The following ATRX variants were observed in gnomAD, a reference collection of about 807,000 sequenced individuals.
ATRX encodes chromatin remodeler ATRX.
A neutral mutation model predicts 172.6 loss-of-function variants in ATRX; 12 were observed. The ratio of observed to expected loss-of-function variants is 0.07; its 90% CI spans 0.04 to 0.11. The LOEUF (loss-of-function observed/expected upper bound fraction) is 0.11, where lower values mean the gene tolerates loss of function less well. ATRX is among the 10% of genes least tolerant of loss of function. The pLI, the probability that ATRX is intolerant of heterozygous loss-of-function variation, is 1.00. For missense variants in ATRX, 1,368 were observed against 1,767.4 expected (o/e 0.77, Z 4.05); for synonymous variants, 674 against 594.7 (o/e 1.13, Z -1.94).
intron 2 of ATRX, among the ~76,000 whole-genome samples, chrX:77,707,587 A>C (rs782210994): frequency 1.8e-5 from 2 of 111,354 alleles, no homozygotes; most frequent in South Asian, 3.7e-4. Flanking sequence ...TCTATAAAAA[A>C]TAAACAAAAA....
intron 1 of ATRX, among the ~76,000 whole-genome samples, chrX:77,768,987 C>T (rs1163077227): frequency 1.8e-5 from 2 of 111,239 alleles, no homozygotes; most frequent in African/African-American, 6.5e-5. Flanking sequence ...ACCACCATCA[C>T]AAGCCACAAT....
intron 15 of ATRX, among the ~76,000 whole-genome samples, chrX:77,649,800 T>C (rs1273585990): frequency 8.9e-6 from 1 of 112,311 alleles, no homozygotes; most frequent in Non-Finnish European, 1.9e-5. Flanking sequence ...CCAAGCCACA[T>C]GGAACTATAA....
rs1557138839 is a variant in ATRX at position 77,682,462 on chromosome X, T to C, written c.2794A>G (p.Thr932Ala). ...DKLSGKEESFTSLEVRKVAET... is the reference protein window; with the variant it reads ...DKLSGKEESFASLEVRKVAET... ...GCAACTTTTCTAACTTCCAAAGAAGTAAAACTCTCCTCTTTCCCAGAAAGC... is the reference window on the plus strand; with the variant it reads ...GCAACTTTTCTAACTTCCAAAGAAGCAAAACTCTCCTCTTTCCCAGAAAGC... Residue 932 changes from threonine to alanine, a missense_variant, in exon 9 of 35, where the codon ACT becomes GCT. This residue lies in a region of ATRX where 843 missense variants were observed against 643.1 expected (regional missense o/e 1.31). Coordinates refer to ENST00000373344, the MANE Select transcript of ATRX (RefSeq NM_000489.6). 2 of 1,211,450 alleles carry C rather than the reference T, an allele frequency of 1.7e-6. No homozygotes were observed. The highest frequency in any genetic ancestry group is 4.3e-5 in the Admixed American group (2 of 46,006).
chrX:77,513,153 TA>T (rs2147686144), intron 34 of ATRX, among the ~76,000 whole-genome samples: 1 of 106,732 alleles, frequency 9.4e-6, no homozygotes, highest in South Asian at 4.3e-4. Flanking sequence ...CCGTCTCTAC[TA>T]AAAATACAAA....
At chrX:77,782,533 G>A (rs782745584) in intron 1 of ATRX, among the ~76,000 whole-genome samples, 1 of 111,612 alleles carries the variant, frequency 9.0e-6, no homozygotes, top group African/African-American at 3.3e-5. Flanking sequence ...CAGATCACCT[G>A]AGGTCAGGAG....
intron 1 of ATRX, among the ~76,000 whole-genome samples, chrX:77,766,706 G>A (rs1450322510): frequency 2.9e-5 from 3 of 103,511 alleles, no homozygotes; most frequent in African/African-American, 1.1e-4. Context: ...ATGGGATGGC[G>A]GCCGGGCAGA....
intron 1 of ATRX, among the ~76,000 whole-genome samples, chrX:77,731,985 G>A (rs2074315314): frequency 8.9e-6 from 1 of 111,862 alleles, no homozygotes; most frequent in Non-Finnish European, 1.9e-5. Flanking sequence ...CACCAGTGGA[G>A]GGCAGCCACC....
chrX:77,772,806 G>A (rs1557199970), intron 1 of ATRX, among the ~76,000 whole-genome samples: 1 of 109,451 alleles, frequency 9.1e-6, no homozygotes. Flanking sequence ...CTTTTTTAAT[G>A]GTTAAAATGC....
At chrX:77,609,110 A>T (rs1376383424) in intron 22 of ATRX, among the ~76,000 whole-genome samples, 2 of 111,991 alleles carry the variant, frequency 1.8e-5, no homozygotes, top group Non-Finnish European at 3.8e-5. Context: ...GGTGGAGAAA[A>T]GGGAACCCAC....
intron 10 of ATRX, among the ~76,000 whole-genome samples, chrX:77,671,167 AATATAT>A (rs3063061): frequency 1.0e-3 from 16 of 15,726 alleles, no homozygotes; most frequent in African/African-American, 3.0e-3. Flanking sequence ...AAAAAAAAAA[AATATAT>A]ATATATATAT....
intron 28 of ATRX, among the ~76,000 whole-genome samples, chrX:77,564,613 T>C (rs1387941052): frequency 9.0e-6 from 1 of 110,599 alleles, no homozygotes; most frequent in East Asian, 2.9e-4. Flanking sequence ...CTTCAACTCC[T>C]GGGCTCAAGT....
At chrX:77,640,021 C>T (rs2068574750) in intron 15 of ATRX, among the ~76,000 whole-genome samples, 1 of 111,964 alleles carries the variant, frequency 8.9e-6, no homozygotes, top group South Asian at 3.7e-4. Context: ...AAAATCATGT[C>T]CTCTACAGCA....
rs1557137588 is a variant in ATRX, at chrX:77,681,897, T to A, written c.3359A>T (p.Asp1120Val). The A allele has an allele frequency of 5.8e-6, 7 of 1,208,364 alleles. No individual in the cohort carries two copies. The South Asian group carries it at 1.1e-4, about 18-fold the overall frequency. ...SDTEKYSMKE[D>V]GCNSSDKRLK... The stretch of plus-strand genomic sequence containing the variant: ...TCTCTTATCAGAAGAGTTACAACCA[T>A]CTTCTTTCATGGAATATTTCTCAGT... Residue 1120 changes from aspartate to valine, a missense_variant, in exon 9 of 35, where the codon GAT becomes GTT. Physicochemically the swap from Asp to Val is radical, Grantham distance 152. Coordinates refer to ENST00000373344, the MANE Select transcript of ATRX (RefSeq NM_000489.6).
chrX:77,708,110 A>G (rs1434588482), intron 2 of ATRX, among the ~76,000 whole-genome samples: 2 of 112,330 alleles, frequency 1.8e-5, no homozygotes, highest in Non-Finnish European at 3.8e-5. Flanking sequence ...ATATATGGCT[A>G]CACACAAAAA....
In ATRX at chrX:77,523,368, T is replaced by C; in HGVS notation, c.6733A>G (p.Lys2245Glu). 8.3e-7 allele frequency: 1 copy of C among 1,209,432 alleles called. No homozygotes were observed. Residue 2245 changes from lysine to glutamate, a missense_variant, in exon 31 of 35, where the codon AAA (lysine) becomes GAA (glutamate). This residue lies in a region of ATRX where 18 missense variants were observed against 52.4 expected (regional missense o/e 0.34). Coordinates refer to ENST00000373344, the MANE Select transcript of ATRX (RefSeq NM_000489.6). The stretch of plus-strand genomic sequence containing the variant: ...TCATGGTATCCTACAATGTGTTCTT[T>C]ATGTATCTGAAGGAGCTCTGCAAGT... ...TILAELLQIHKEHIVGYHEHD... is the reference protein window; with the variant it reads ...TILAELLQIHEEHIVGYHEHD...
Position 77,507,983 on chromosome X carries a change from A to T in ATRX, c.*368T>A, listed in dbSNP as rs782718349. The T allele has an allele frequency of 5.3e-4, 102 of 192,820 alleles. No homozygotes were observed. Among genetic ancestry groups the T allele is most frequent in the Non-Finnish European group, 8.5e-4 (88 of 103,755 alleles). The allele number at this position is 192,820 out of a possible 1,213,427, so 15.9% of individuals were successfully genotyped here. A position where few individuals can be genotyped will look rare whatever the true frequency, so the allele number is the denominator to read the frequency against. The stretch of plus-strand genomic sequence containing the variant: ...TTTATATGTAAAGAATGAATATATA[A>T]ATCTTTATTCTTTCCTAAATTTATT... On this transcript the variant is annotated 3_prime_UTR_variant, in exon 35 of 35. Transcript: ENST00000373344.
At chrX:77,522,447 T>C in intron 31 of ATRX, 59 bp from the exon 32 acceptor site, 1 of 1,126,030 alleles carries the variant, frequency 8.9e-7, no homozygotes, top group South Asian at 1.8e-5. Flanking sequence ...AAATTCTACA[T>C]CACCTACTGG....
chrX:77,673,484 A>G (rs781847206), intron 10 of ATRX, among the ~76,000 whole-genome samples: 3 of 111,500 alleles, frequency 2.7e-5, no homozygotes, highest in South Asian at 7.3e-4. Flanking sequence ...TTTTTTTTAT[A>G]AAAAGCTAAA....
intron 15 of ATRX, among the ~76,000 whole-genome samples, chrX:77,647,995 C>T (rs1246918203): frequency 9.0e-6 from 1 of 111,700 alleles, no homozygotes; most frequent in African/African-American, 3.2e-5. Flanking sequence ...CCATTATTAT[C>T]AAATACAGCA....
Sources: gnomAD v4.1 joint callset for allele counts (sites outside exome capture counted in the v4.1 genomes callset) on GRCh38, gnomAD v4.1.1 for gene constraint, gnomAD v4.1.1 regional missense constraint, MANE v1.5 for transcripts, NCBI Gene and HGNC (gene_info 2026-07-23, HGNC 2026-07-21) for gene names.